CCNY: variants seen among roughly 807,000 people sequenced by gnomAD.
The protein encoded by CCNY is cyclin Y.
Under a neutral mutation model 42.8 loss-of-function variants are expected in CCNY, and 19 were observed. That is an observed-to-expected ratio of 0.44 (90% CI 0.31 to 0.65). The LOEUF (loss-of-function observed/expected upper bound fraction) is 0.65, where lower values mean the gene tolerates loss of function less well. CCNY is among the 30% of genes least tolerant of loss of function. The pLI is 0.07. For missense variants in CCNY, 370 were observed against 437.3 expected, an observed-to-expected ratio of 0.85 and a Z score of 1.37; for synonymous variants, 165 against 162.7, an observed-to-expected ratio of 1.01 and a Z score of -0.11.
At chr10:35,352,463 C>G (rs1836449540) in intron 1 of CCNY, among the ~76,000 whole-genome samples, 1 of 152,134 alleles carries the variant, frequency 6.6e-6, no homozygotes, top group Non-Finnish European at 1.5e-5. Flanking sequence ...AGAGCCACAG[C>G]CATTGTAGGT....
At chr10:35,425,334 G>A (rs1048542289) in intron 1 of CCNY, among the ~76,000 whole-genome samples, 5 of 152,286 alleles carry the variant, frequency 3.3e-5, no homozygotes, top group Non-Finnish European at 5.9e-5. Context: ...ATTGGCTCTC[G>A]TAAACTGGTA....
intron 9 of CCNY, 134 bp downstream of exon 9, chr10:35,566,319 T>C (rs1841571449): frequency 1.1e-6 from 1 of 898,020 alleles, no homozygotes; most frequent in African/African-American, 1.7e-5. Context: ...CTAGGATATA[T>C]AGCTGGGCAG....
At chr10:35,470,152 GAGAC>G (rs1226480878) in intron 1 of CCNY, among the ~76,000 whole-genome samples, 22 of 151,334 alleles carry the variant, frequency 1.5e-4, no homozygotes, top group South Asian at 6.3e-4. Flanking sequence ...AGGCAGTGGA[GAGAC>G]AGACAGGGAG....
intron 1 of CCNY, among the ~76,000 whole-genome samples, chr10:35,340,048 C>T (rs1766400117): frequency 6.6e-6 from 1 of 152,150 alleles, no homozygotes; most frequent in South Asian, 2.1e-4. Context: ...CAGCTGTCAC[C>T]AGCTGCCGCT....
chr10:35,370,668 C>A (rs1564385856), intron 1 of CCNY, among the ~76,000 whole-genome samples: 1 of 151,912 alleles, frequency 6.6e-6, no homozygotes, highest in Admixed American at 6.5e-5. Context: ...TTCCCTATTA[C>A]AACACTTTTC....
At chr10:35,421,708 T>A (rs1267627388) in intron 1 of CCNY, among the ~76,000 whole-genome samples, 1 of 152,162 alleles carries the variant, frequency 6.6e-6, no homozygotes, top group African/African-American at 2.4e-5. Flanking sequence ...CTTGTTTTCC[T>A]CCAGGATGCC....
intron 2 of CCNY, among the ~76,000 whole-genome samples, chr10:35,486,537 C>G (rs1209095921): frequency 1.3e-5 from 2 of 152,186 alleles, no homozygotes; most frequent in Non-Finnish European, 2.9e-5. Flanking sequence ...GACCTTATCC[C>G]TCTCTAGTCC....
In CCNY at chr10:35,565,347, A is replaced by G. The variant is rs116087818; in HGVS notation, c.747-676A>G. Among the ~76,000 whole-genome samples, 1,165 of 152,220 alleles carry G rather than the reference A, an allele frequency of 7.7e-3. 13 individuals carry two copies. The highest frequency in any genetic ancestry group is 0.027 in the African/African-American group (1,114 of 41,544). On this transcript the variant is annotated intron_variant, in intron 8 of 9. Coordinates refer to ENST00000374704, the MANE Select transcript of CCNY (RefSeq NM_145012.6). ...TTAGAAATGCACATTCTCAGGCCCC[A>G]CTGCAGACCTACTGATCCCCACAGT...
In CCNY at chr10:35,431,694, A is replaced by G. The variant is rs537287908; in HGVS notation, c.155-51710A>G. Among the ~76,000 whole-genome samples the G allele has an allele frequency of 9.1e-4, 138 of 152,112 alleles. 1 individual carries two copies. Among genetic ancestry groups the G allele is most frequent in the Non-Finnish European group, 1.5e-3 (101 of 67,996 alleles). On this transcript the variant is annotated intron_variant, in intron 1 of 9. Transcript: ENST00000374704. ...TCTTCCTGCAGAATCCAGTAAAGCC[A>G]TGCTCGTTTTGTTGGGGAAAAAGAA...
At position 35,319,112 on chromosome 10, in the gene CCNY, G is replaced by A. The variant is rs1353961877; in HGVS notation, c.-9+68486G>A. ...CAAGTAGCTGAGACCAGAGGTGTGC[G>A]CCACCATGCCCCAGCTAATTTTTAA... On this transcript the variant is annotated intron_variant, in intron 3 of 11. Coordinates refer to the CCNY transcript ENST00000374706. Among the ~76,000 whole-genome samples, 22 of 152,142 alleles carry A rather than the reference G, an allele frequency of 1.4e-4. 1 individual carries two copies. Among genetic ancestry groups the A allele is most frequent in the Admixed American group, 1.1e-3 (17 of 15,258 alleles).
At chr10:35,259,820 AT>A (rs988668309) in intron 3 of CCNY, among the ~76,000 whole-genome samples, 26 of 140,460 alleles carry the variant, frequency 1.9e-4, no homozygotes, top group Admixed American at 2.2e-4. Context: ...CCCCAGTCCT[AT>A]TTTTTTTTTA....
chr10:35,319,039 C>T (rs977147772), intron 3 of CCNY, among the ~76,000 whole-genome samples: 2 of 152,102 alleles, frequency 1.3e-5, no homozygotes, highest in Non-Finnish European at 1.5e-5. Context: ...CACGGCTCAC[C>T]GAAGCCTTGA....
chr10:35,411,562 G>T (rs1228370936), intron 1 of CCNY, among the ~76,000 whole-genome samples: 1 of 149,808 alleles, frequency 6.7e-6, no homozygotes, highest in East Asian at 2.0e-4. Flanking sequence ...ATGTAAAATG[G>T]CTGCAGTTAG....
intron 8 of CCNY, among the ~76,000 whole-genome samples, chr10:35,565,685 G>C (rs1026302079): frequency 6.6e-6 from 1 of 152,188 alleles, no homozygotes; most frequent in African/African-American, 2.4e-5. Flanking sequence ...CCACGTGGCA[G>C]CTCTTGGCTG....
At chr10:35,366,510 A>G (rs897827471) in intron 1 of CCNY, among the ~76,000 whole-genome samples, 1 of 152,174 alleles carries the variant, frequency 6.6e-6, no homozygotes, top group Non-Finnish European at 1.5e-5. Flanking sequence ...TTCTTGATTT[A>G]TGTTTATTAT....
At chr10:35,494,732 T>C (rs889103529) in intron 2 of CCNY, among the ~76,000 whole-genome samples, 4 of 152,196 alleles carry the variant, frequency 2.6e-5, no homozygotes, top group African/African-American at 9.7e-5. Context: ...AATAGAAAAA[T>C]GGGCATATTT....
At chr10:35,380,171 C>T (rs1353569883) in intron 1 of CCNY, among the ~76,000 whole-genome samples, 1 of 152,198 alleles carries the variant, frequency 6.6e-6, no homozygotes, top group Non-Finnish European at 1.5e-5. Context: ...GTCTTAGATC[C>T]TCGAGGGCTT....
intron 1 of CCNY, among the ~76,000 whole-genome samples, chr10:35,369,124 A>G (rs1836874166): frequency 6.6e-6 from 1 of 152,240 alleles, no homozygotes; most frequent in African/African-American, 2.4e-5. Flanking sequence ...GTCTGAACTG[A>G]TAAATATTCA....
intron 1 of CCNY, among the ~76,000 whole-genome samples, chr10:35,384,219 A>G (rs1837254545): frequency 6.6e-6 from 1 of 152,236 alleles, no homozygotes; most frequent in East Asian, 1.9e-4. Flanking sequence ...ATTAAAAAAA[A>G]CATGGCATCA....
Sources: allele counts gnomAD v4.1 joint callset (sites outside exome capture counted in the v4.1 genomes callset), GRCh38; gene constraint gnomAD v4.1.1; transcripts MANE v1.5; gene names NCBI Gene and HGNC (gene_info 2026-07-23, HGNC 2026-07-21).